Variants in PHLDB2 observed in about 807,000 individuals in gnomAD.
The protein encoded by PHLDB2 is pleckstrin homology like domain family B member 2.
Under a neutral mutation model 123.6 loss-of-function variants are expected in PHLDB2, and 71 were observed. The ratio of observed to expected loss-of-function variants is 0.57; its 90% CI spans 0.47 to 0.70. The LOEUF is 0.70. Among genes scored for constraint, PHLDB2 ranks in the 30% least tolerant of loss-of-function variants. The probability of loss-of-function intolerance (pLI) is 0.00; values close to 1 mark genes in which losing one functional copy is unlikely to be tolerated. For synonymous variants in PHLDB2, 547 were observed against 541.6 expected (o/e 1.01, Z -0.14); for missense variants, 1,446 against 1,519.5 (o/e 0.95, Z 0.80).
rs1340335889 is a variant in PHLDB2 at position 111,952,582 on chromosome 3, G to A, written c.2642G>A (p.Ser881Asn). The A allele has an allele frequency of 6.2e-7, 1 of 1,612,878 alleles. No individual in the cohort carries two copies. The highest frequency in any genetic ancestry group is 1.1e-5 in the South Asian group (1 of 90,810). Residue 881 changes from serine (S) to asparagine (N), a missense_variant, in exon 11 of 18, where the codon AGT (serine) becomes AAT (asparagine). Coordinates refer to ENST00000431670, the MANE Select transcript of PHLDB2 (RefSeq NM_001134438.2). Reference protein sequence around the residue: ...SQPQSKEHFRSLEERKKQHKE... With the variant: ...SQPQSKEHFRNLEERKKQHKE... Reference sequence around the variant, plus strand: ...CATTTGCATTTAAAGCACTTTAGAAGTCTGGAAGAAAGGAAAAAACAGCAT... The same window carrying A: ...CATTTGCATTTAAAGCACTTTAGAAATCTGGAAGAAAGGAAAAAACAGCAT...
At chr3:111,800,341 G>T (rs1468725796) in intron 1 of PHLDB2, among the ~76,000 whole-genome samples, 1 of 152,120 alleles carries the variant, frequency 6.6e-6, no homozygotes, top group Non-Finnish European at 1.5e-5. Flanking sequence ...TGGAAAATGA[G>T]ACTGGGAAAT....
At chr3:111,799,333 C>T (rs2061293236) in intron 1 of PHLDB2, among the ~76,000 whole-genome samples, 1 of 152,092 alleles carries the variant, frequency 6.6e-6, no homozygotes, top group African/African-American at 2.4e-5. Context: ...GGTGTCAGCA[C>T]AATTTGAACA....
At position 111,948,703 on chromosome 3, in the gene PHLDB2, T is replaced by G. The variant is rs566170520; in HGVS notation, c.2488-229T>G. Among the ~76,000 whole-genome samples, 9 of 152,322 alleles carry G rather than the reference T, an allele frequency of 5.9e-5. No homozygotes were observed. The East Asian group carries it at 1.7e-3, about 29-fold the overall frequency. On this transcript the variant is annotated intron_variant, in intron 9 of 17. Coordinates refer to ENST00000431670, the MANE Select transcript of PHLDB2 (RefSeq NM_001134438.2). ...TTGGGTTATTTATACTACAGTTATCTTGATTTCATCAGAAAAATTATGTTT... is the reference window on the plus strand; with the variant it reads ...TTGGGTTATTTATACTACAGTTATCGTGATTTCATCAGAAAAATTATGTTT...
intron 3 of PHLDB2, chr3:111,916,069 G>A (rs898821613): frequency 6.6e-6 from 1 of 152,200 alleles, no homozygotes; most frequent in Non-Finnish European, 1.5e-5. Context: ...ACTATCTTTT[G>A]GGAGACAGGT....
chr3:111,752,224 GTGTGTGTGTGTGTGTGTCTGTGTC>G (rs1243384468), intron 1 of PHLDB2, among the ~76,000 whole-genome samples: 4 of 142,404 alleles, frequency 2.8e-5, no homozygotes, highest in Non-Finnish European at 4.5e-5. Context: ...TTCTAAGTGT[GTGTGTGTGTGTGTGTGTCTGTGTC>G]TGTGTGTGTG....
rs567721781 is a variant in PHLDB2 at position 111,918,374 on chromosome 3, A to T, written c.1720-698A>T. Among the ~76,000 whole-genome samples, 4 of 152,360 alleles carry T rather than the reference A, an allele frequency of 2.6e-5. No individual in the cohort carries two copies. The South Asian group carries it at 6.2e-4, about 24-fold the overall frequency. ...TGTCCTGTTTTAGGGAGTGTCTTAG[A>T]TGCTATATAGCAAGAACGTCTATAG... On this transcript the variant is annotated intron_variant, in intron 3 of 17. Coordinates refer to ENST00000431670, the MANE Select transcript of PHLDB2 (RefSeq NM_001134438.2).
chr3:111,745,969 A>G (rs1199840081), intron 1 of PHLDB2, among the ~76,000 whole-genome samples: 1 of 152,194 alleles, frequency 6.6e-6, no homozygotes, highest in East Asian at 1.9e-4. Flanking sequence ...AGAAGCAGGA[A>G]CAACATTTTT....
intron 10 of PHLDB2, among the ~76,000 whole-genome samples, chr3:111,949,353 C>G (rs2070554914): frequency 1.3e-5 from 2 of 152,094 alleles, no homozygotes; most frequent in South Asian, 4.2e-4. Context: ...TCTAACTCAA[C>G]TTAGTTTTCT....
At chr3:111,794,231 A>T (rs565751926) in intron 1 of PHLDB2, among the ~76,000 whole-genome samples, 1 of 150,244 alleles carries the variant, frequency 6.7e-6, no homozygotes, top group East Asian at 1.9e-4. Flanking sequence ...CTCCATGGAC[A>T]CTTGCCGATT....
At chr3:111,970,769 G>GA (rs996831857) in intron 16 of PHLDB2, among the ~76,000 whole-genome samples, 1 of 151,994 alleles carries the variant, frequency 6.6e-6, no homozygotes, top group Admixed American at 6.6e-5. Context: ...CAGATATTAT[G>GA]AAAAAAACCC....
At chr3:111,878,893 G>T (rs932927902) in intron 1 of PHLDB2, among the ~76,000 whole-genome samples, 1 of 152,158 alleles carries the variant, frequency 6.6e-6, no homozygotes, top group Admixed American at 6.5e-5. Flanking sequence ...TGCATCCCAG[G>T]GATGAAGCCC....
intron 2 of PHLDB2, among the ~76,000 whole-genome samples, chr3:111,896,358 G>A (rs63536560): frequency 0.17 from 11,173 of 64,998 alleles, 505 homozygotes; most frequent in Middle Eastern, 0.32. Context: ...TTCTTCCCCC[G>A]CCCCGAGACG....
intron 1 of PHLDB2, among the ~76,000 whole-genome samples, chr3:111,793,849 C>A (rs1395372077): frequency 5.3e-5 from 8 of 151,710 alleles, no homozygotes; most frequent in Admixed American, 5.3e-4. Context: ...AGGACTCTGC[C>A]TGGTGCTCTA....
At chr3:111,962,792 G>A (rs1247041538) in intron 13 of PHLDB2, among the ~76,000 whole-genome samples, 1 of 151,898 alleles carries the variant, frequency 6.6e-6, no homozygotes, top group Admixed American at 6.6e-5. Flanking sequence ...AGCTGGGCAT[G>A]GTGGCGCATG....
chr3:111,920,856 T>C (rs2068457862), intron 5 of PHLDB2, among the ~76,000 whole-genome samples: 1 of 152,228 alleles, frequency 6.6e-6, no homozygotes, highest in Non-Finnish European at 1.5e-5. Context: ...ATTTTTCTGT[T>C]TATTAAACAG....
chr3:111,911,874 A>G (rs763637899), intron 2 of PHLDB2: 2 of 698,652 alleles, frequency 2.9e-6, no homozygotes, highest in Non-Finnish European at 4.9e-6. Flanking sequence ...ATTTAATGGA[A>G]CCTAAGGAGT....
chr3:111,859,546 G>T lies in PHLDB2; in HGVS notation c.-45G>T, dbSNP rs1046031016. On this transcript the variant is annotated 5_prime_UTR_variant, in exon 1 of 18. Coordinates refer to ENST00000431670, the MANE Select transcript of PHLDB2 (RefSeq NM_001134438.2). ...GCAAGGAGCGCGCCTGCCTTCTCTC[G>T]CCGCCGGGAACGGGCTGCACCAATG... 4.1e-6 allele frequency: 4 copies of T among 985,448 alleles called. No homozygotes were observed. Among genetic ancestry groups the T allele is most frequent in the Non-Finnish European group, 4.8e-6 (4 of 830,024 alleles). The allele number at this position is 985,448 out of a possible 1,614,324, so 61.0% of individuals were successfully genotyped here.
At chr3:111,886,251 A>C (rs1237295436) in intron 2 of PHLDB2, among the ~76,000 whole-genome samples, 1 of 152,224 alleles carries the variant, frequency 6.6e-6, no homozygotes, top group African/African-American at 2.4e-5. Flanking sequence ...CAGTAGGATT[A>C]TCAGTGTTTT....
intron 2 of PHLDB2, among the ~76,000 whole-genome samples, chr3:111,889,795 AC>A (rs1164427017): frequency 6.6e-6 from 1 of 152,172 alleles, no homozygotes. Context: ...TTATCTAACT[AC>A]TTGATAATCT....
Sources: allele counts gnomAD v4.1 joint callset (sites outside exome capture counted in the v4.1 genomes callset), GRCh38; gene constraint gnomAD v4.1.1; transcripts MANE v1.5; gene names NCBI Gene and HGNC (gene_info 2026-07-23, HGNC 2026-07-21).